PDE4D: variants seen among roughly 807,000 people sequenced by gnomAD.
The protein encoded by PDE4D is 3',5'-cyclic-AMP phosphodiesterase 4D.
In PDE4D, 24 loss-of-function variants were observed where a neutral mutation model predicts 87.4. That is an observed-to-expected ratio of 0.27 (90% CI 0.20 to 0.39). PDE4D has a LOEUF of 0.39. PDE4D is among the 10% of genes least tolerant of loss of function. The pLI, the probability that PDE4D is intolerant of heterozygous loss-of-function variation, is 1.00. For synonymous variants in PDE4D, 384 were observed against 383.2 expected (o/e 1.00, Z -0.02); for missense variants, 714 against 1,041.0 (o/e 0.69, Z 4.32).
intron 1 of PDE4D, among the ~76,000 whole-genome samples, chr5:59,849,285 G>C (rs1174783422): frequency 6.6e-6 from 1 of 151,924 alleles, no homozygotes; most frequent in East Asian, 1.9e-4. Context: ...CTTGAGTACG[G>C]AATGATGTTG....
At chr5:60,045,822 C>T (rs1400242231) in intron 2 of PDE4D, among the ~76,000 whole-genome samples, 1 of 152,130 alleles carries the variant, frequency 6.6e-6, no homozygotes, top group Admixed American at 6.5e-5. Flanking sequence ...GTTCTTTTGG[C>T]TTAGGATTGA....
At chr5:59,244,613 CA>C (rs1758399448) in intron 1 of PDE4D, among the ~76,000 whole-genome samples, 2 of 148,158 alleles carry the variant, frequency 1.3e-5, no homozygotes, top group South Asian at 4.3e-4. Flanking sequence ...CATATATACA[CA>C]TACATGTATG....
chr5:59,951,291 A>AT (rs1034170335), intron 3 of PDE4D, among the ~76,000 whole-genome samples: 9 of 152,092 alleles, frequency 5.9e-5, no homozygotes, highest in African/African-American at 1.9e-4. Flanking sequence ...AAGGGATTGA[A>AT]TTTTTTTCCC....
intron 1 of PDE4D, among the ~76,000 whole-genome samples, chr5:59,351,076 A>G (rs2153586919): frequency 6.6e-6 from 1 of 152,346 alleles, no homozygotes; most frequent in South Asian, 2.1e-4. Flanking sequence ...GTGAAATGTT[A>G]GTGAAGACTT....
At chr5:59,398,940 GACAA>G (rs1443957798) in intron 1 of PDE4D, among the ~76,000 whole-genome samples, 1 of 117,940 alleles carries the variant, frequency 8.5e-6, no homozygotes, top group Non-Finnish European at 1.8e-5. Flanking sequence ...ACCAACAACA[GACAA>G]ACAGAGAGCC....
At chr5:59,561,799 G>A (rs1820046199) in intron 1 of PDE4D, among the ~76,000 whole-genome samples, 1 of 152,092 alleles carries the variant, frequency 6.6e-6, no homozygotes, top group Non-Finnish European at 1.5e-5. Context: ...AGGCATGGTG[G>A]CATATGCCTG....
At chr5:60,258,222 A>G (rs1445186669) in intron 1 of PDE4D, among the ~76,000 whole-genome samples, 1 of 151,980 alleles carries the variant, frequency 6.6e-6, no homozygotes, top group Non-Finnish European at 1.5e-5. Context: ...TCAGCAATGC[A>G]GTGGTGTGTG....
intron 1 of PDE4D, among the ~76,000 whole-genome samples, chr5:59,339,885 C>G (rs1178225116): frequency 6.6e-6 from 1 of 151,994 alleles, no homozygotes; most frequent in South Asian, 2.1e-4. Flanking sequence ...TAATATCACT[C>G]TAGCATTTAC....
intron 1 of PDE4D, among the ~76,000 whole-genome samples, chr5:59,596,829 T>C (rs1050729720): frequency 1.3e-5 from 2 of 152,076 alleles, no homozygotes; most frequent in African/African-American, 4.8e-5. Flanking sequence ...ATGTCCTAAG[T>C]GAAATTGAGA....
At chr5:60,215,965 G>A (rs1029790465) in intron 1 of PDE4D, among the ~76,000 whole-genome samples, 1 of 152,106 alleles carries the variant, frequency 6.6e-6, no homozygotes, top group African/African-American at 2.4e-5. Context: ...TCTAAATGCT[G>A]TTGTAGCCAT....
chr5:59,565,946 C>A (rs1820810894), intron 1 of PDE4D, among the ~76,000 whole-genome samples: 1 of 151,870 alleles, frequency 6.6e-6, no homozygotes, highest in African/African-American at 2.4e-5. Flanking sequence ...AAAAGAGACT[C>A]AATGAAACTG....
At chr5:59,834,654 T>C (rs994519561) in intron 1 of PDE4D, among the ~76,000 whole-genome samples, 4 of 152,046 alleles carry the variant, frequency 2.6e-5, no homozygotes, top group African/African-American at 9.7e-5. Context: ...ATCGTACTCT[T>C]TAGGCGAAGA....
chr5:59,645,569 T>C (rs1450066416), intron 1 of PDE4D, among the ~76,000 whole-genome samples: 2 of 152,186 alleles, frequency 1.3e-5, no homozygotes, highest in African/African-American at 2.4e-5. Flanking sequence ...CCTTAGGTTC[T>C]TGCTGGCTGT....
intron 5 of PDE4D, among the ~76,000 whole-genome samples, chr5:59,080,062 G>A (rs562340729): frequency 5.9e-5 from 9 of 152,186 alleles, no homozygotes; most frequent in Non-Finnish European, 7.4e-5. Context: ...ACACACACAC[G>A]TTTCCCATGT....
intron 1 of PDE4D, among the ~76,000 whole-genome samples, chr5:59,376,035 C>T (rs896050311): frequency 4.6e-5 from 7 of 152,134 alleles, no homozygotes; most frequent in Admixed American, 4.6e-4. Flanking sequence ...AAGGAACAGC[C>T]CTCAAAAAAT....
At chr5:60,478,450 G>T (rs543375481) in intron 1 of PDE4D, among the ~76,000 whole-genome samples, 1 of 151,992 alleles carries the variant, frequency 6.6e-6, no homozygotes, top group African/African-American at 2.4e-5. Flanking sequence ...TCATCACAGG[G>T]GACTTCTCAT....
At chr5:58,978,563 T>C (rs575960396) in intron 11 of PDE4D, among the ~76,000 whole-genome samples, 26 of 152,284 alleles carry the variant, frequency 1.7e-4, no homozygotes, top group Admixed American at 1.6e-3. Flanking sequence ...CCAATACTAT[T>C]CAATGGCTAT....
intron 1 of PDE4D, among the ~76,000 whole-genome samples, chr5:59,479,636 G>T (rs1429917636): frequency 6.6e-6 from 1 of 151,430 alleles, no homozygotes; most frequent in Non-Finnish European, 1.5e-5. Flanking sequence ...ATGTATCAGA[G>T]ATCATCACAT....
intron 3 of PDE4D, among the ~76,000 whole-genome samples, chr5:59,902,335 G>A (rs1255914502): frequency 6.6e-6 from 1 of 152,178 alleles, no homozygotes; most frequent in Non-Finnish European, 1.5e-5. Context: ...TTTTGGTTCA[G>A]TAGGTCTGGG....
Sources: gnomAD v4.1 joint callset for allele counts (sites outside exome capture counted in the v4.1 genomes callset) on GRCh38, gnomAD v4.1.1 for gene constraint, MANE v1.5 for transcripts, NCBI Gene and HGNC (gene_info 2026-07-23, HGNC 2026-07-21) for gene names.